EIF3J: variants seen among roughly 807,000 people sequenced by gnomAD.
The protein encoded by EIF3J is eukaryotic translation initiation factor 3, subunit 1 (alpha, 35kD).
EIF3J carries 15 observed loss-of-function variants against 39.0 expected under a neutral mutation model. The observed-to-expected ratio is 0.38, with a 90% CI of 0.26 to 0.59. The LOEUF (loss-of-function observed/expected upper bound fraction) is 0.59. EIF3J is among the 20% of genes least tolerant of loss of function. The pLI is 0.60. For missense variants in EIF3J, 226 were observed against 308.6 expected (o/e 0.73, Z 2.00); for synonymous variants, 98 against 112.9 (o/e 0.87, Z 0.84).
intron 2 of EIF3J, among the ~76,000 whole-genome samples, chr15:44,545,633 A>G (rs933299198): frequency 3.1e-4 from 47 of 152,212 alleles, no homozygotes; most frequent in Middle Eastern, 3.2e-3. Flanking sequence ...TGATGTTTCA[A>G]TGCATGTATA....
At chr15:44,539,689 C>G (rs1029235375) in intron 2 of EIF3J, among the ~76,000 whole-genome samples, 1 of 151,922 alleles carries the variant, frequency 6.6e-6, no homozygotes, top group Non-Finnish European at 1.5e-5. Flanking sequence ...CGTGAGCCAC[C>G]ACACCCGGCC....
chr15:44,557,526 C>G lies in EIF3J; in HGVS notation c.447C>G (p.Asn149Lys). The G allele has an allele frequency of 6.4e-7, 1 of 1,551,004 alleles. No individual in the cohort carries two copies. Among genetic ancestry groups the G allele is most frequent in the East Asian group, 2.4e-5 (1 of 42,084 alleles). ...NNAVYGIDAM[N>K]PSSRDDFTEF... ...CAGTTTATGGAATAGATGCTATGAA[C>G]CCATCTTCAAGAGATGACTTTACAG... Residue 149 changes from asparagine to lysine, a missense_variant, in exon 6 of 8, where the codon AAC (asparagine) becomes AAG (lysine). Asn to Lys is a moderately conservative substitution (Grantham distance 94). Around this residue, in one of 2 missense-constraint regions of EIF3J, gnomAD observed 83 missense variants for 152.6 expected, o/e 0.54. Coordinates refer to ENST00000261868, the MANE Select transcript of EIF3J (RefSeq NM_003758.4).
chr15:44,537,763 A>G (rs1412981044), intron 2 of EIF3J, among the ~76,000 whole-genome samples: 2 of 152,194 alleles, frequency 1.3e-5, no homozygotes, highest in Non-Finnish European at 2.9e-5. Context: ...GAAGTTGGGA[A>G]TTGAGCCTTG....
chr15:44,546,051 C>T (rs562302318), intron 2 of EIF3J, among the ~76,000 whole-genome samples: 3 of 152,308 alleles, frequency 2.0e-5, no homozygotes, highest in Non-Finnish European at 4.4e-5. Context: ...AACACTGCCC[C>T]CTATCACTCA....
Position 44,559,422 on chromosome 15 carries a change from T to A in EIF3J, c.572-827T>A, listed in dbSNP as rs147376794. 8.0e-3 allele frequency among the ~76,000 whole-genome samples: 1,133 copies of A among 141,842 alleles called. 19 individuals are homozygous for A. The highest frequency in any genetic ancestry group is 0.026 in the African/African-American group (997 of 37,658). The allele number at this position is 141,842 out of a possible 152,430, so 93.1% of individuals were successfully genotyped here. A position where few individuals can be genotyped will look rare whatever the true frequency, so the allele number is the denominator to read the frequency against. The stretch of plus-strand genomic sequence containing the variant: ...CGAGACTCTGTCTCAAAAAAAAAAA[T>A]AAAATAGGCCGGGTGCGGTGGCTCA... On this transcript the variant is annotated intron_variant, in intron 6 of 7. Transcript: ENST00000261868.
intron 5 of EIF3J, 65 bp downstream of exon 5, chr15:44,554,732 GA>G: frequency 1.0e-6 from 1 of 995,504 alleles, no homozygotes; most frequent in Non-Finnish European, 1.5e-6. Flanking sequence ...AGAAAGTTCA[GA>G]AAACATCTCC....
chr15:44,560,960 C>A, intron 7 of EIF3J, 58 bp from the exon 8 acceptor site: 1 of 1,589,298 alleles, frequency 6.3e-7, no homozygotes, highest in South Asian at 1.1e-5. Flanking sequence ...GGTTGCTGTA[C>A]CAGATAAGAT....
intron 2 of EIF3J, among the ~76,000 whole-genome samples, chr15:44,542,788 A>T (rs2082023681): frequency 6.6e-6 from 1 of 152,230 alleles, no homozygotes. Flanking sequence ...AACAGGCCCT[A>T]TTCTAAGAAG....
chr15:44,562,156 C>G lies in EIF3J; in HGVS notation c.*1007C>G, dbSNP rs1286987656. The G allele has an allele frequency of 2.0e-5, 3 of 152,630 alleles. No individual in the cohort carries two copies. The highest frequency in any genetic ancestry group is 3.8e-4 in the East Asian group (2 of 5,204). 9.5% of individuals were successfully genotyped at this position (152,630 alleles called of 1,614,324 possible). On this transcript the variant is annotated 3_prime_UTR_variant, in exon 8 of 8. Transcript: ENST00000261868. ...ACACAGCTCTTGGGAGTACAGTTCT[C>G]TACGTTCTCTACTAAATCTTAATAA...
chr15:44,550,762 A>G (rs2082092130), intron 2 of EIF3J, 114 bp from the exon 3 acceptor site: 1 of 721,290 alleles, frequency 1.4e-6, no homozygotes, highest in Non-Finnish European at 2.4e-6. Context: ...TATAAATTTA[A>G]TGCAGTACAA....
At chr15:44,550,016 A>G (rs573915320) in intron 2 of EIF3J, among the ~76,000 whole-genome samples, 5 of 152,050 alleles carry the variant, frequency 3.3e-5, no homozygotes, top group South Asian at 2.1e-4. Context: ...ATAGCAATTC[A>G]TGGGGAAACA....
At chr15:44,542,431 A>G (rs1369876070) in intron 2 of EIF3J, among the ~76,000 whole-genome samples, 1 of 152,324 alleles carries the variant, frequency 6.6e-6, no homozygotes, top group Non-Finnish European at 1.5e-5. Flanking sequence ...GGCTGTTGCT[A>G]TAGGGCAAAA....
chr15:44,556,453 C>T (rs2082144902), intron 5 of EIF3J, among the ~76,000 whole-genome samples: 1 of 152,180 alleles, frequency 6.6e-6, no homozygotes, highest in Non-Finnish European at 1.5e-5. Context: ...GCAATCCTCC[C>T]ACCTCAGCCT....
chr15:44,544,122 C>T (rs1175959865), intron 2 of EIF3J, among the ~76,000 whole-genome samples: 1 of 130,948 alleles, frequency 7.6e-6, no homozygotes, highest in Admixed American at 8.4e-5. Flanking sequence ...TAGACGGAGG[C>T]CTTCTCTATC....
intron 6 of EIF3J, chr15:44,557,871 A>G (rs191119533): frequency 3.4e-4 from 99 of 295,384 alleles, no homozygotes; most frequent in African/African-American, 1.6e-3. Flanking sequence ...TTGTTTTACA[A>G]TGGCTTCCCT....
At chr15:44,542,998 A>G (rs938312449) in intron 2 of EIF3J, among the ~76,000 whole-genome samples, 4 of 152,216 alleles carry the variant, frequency 2.6e-5, no homozygotes, top group African/African-American at 9.6e-5. Flanking sequence ...TGTTAATTTT[A>G]GCTGTTTCTC....
intron 2 of EIF3J, among the ~76,000 whole-genome samples, chr15:44,546,994 G>A (rs1015925396): frequency 3.3e-5 from 5 of 151,384 alleles, no homozygotes; most frequent in Non-Finnish European, 5.9e-5. Flanking sequence ...CCTAATTTTT[G>A]TATTTTTTAG....
chr15:44,540,364 A>G (rs2082004693), intron 2 of EIF3J, among the ~76,000 whole-genome samples: 1 of 149,500 alleles, frequency 6.7e-6, no homozygotes, highest in African/African-American at 2.5e-5. Flanking sequence ...TCGGCCTCCC[A>G]GAGTGCTGGG....
Position 44,560,375 on chromosome 15 carries a change from G to C in EIF3J, c.645+53G>C, listed in dbSNP as rs919016534. 4 of 1,512,540 alleles carry C rather than the reference G, an allele frequency of 2.6e-6. No homozygotes were observed. In the Admixed American group the frequency reaches 5.7e-5, roughly 22 times the overall value. 93.7% of individuals were successfully genotyped at this position (1,512,540 alleles called of 1,614,324 possible). A position where few individuals can be genotyped will look rare whatever the true frequency, so the allele number is the denominator to read the frequency against. On this transcript the variant is annotated intron_variant, in intron 7 of 7. Coordinates refer to ENST00000261868, the MANE Select transcript of EIF3J (RefSeq NM_003758.4). ...GTATTAAATTAGAGTGGGGTTATAG[G>C]TCTAACAGTCAACAAATATAATAGG...
Sources: allele counts gnomAD v4.1 joint callset (sites outside exome capture counted in the v4.1 genomes callset), GRCh38; gene constraint gnomAD v4.1.1; regional missense constraint gnomAD v4.1.1; transcripts MANE v1.5; gene names NCBI Gene and HGNC (gene_info 2026-07-23, HGNC 2026-07-21).